Variants in SGCZ observed in about 807,000 individuals in gnomAD.
The protein encoded by SGCZ is zeta-sarcoglycan.
Under a neutral mutation model 41.3 loss-of-function variants are expected in SGCZ, and 40 were observed. That is an observed-to-expected ratio of 0.97 (90% CI 0.75 to 1.26). SGCZ has a LOEUF of 1.26. Among genes scored for constraint, SGCZ ranks in the 50% most tolerant of loss-of-function variants. SGCZ has a pLI of 0.00. For missense variants in SGCZ, 552 were observed against 369.8 expected, an observed-to-expected ratio of 1.49 and a Z score of -4.04; for synonymous variants, 206 against 137.5, an observed-to-expected ratio of 1.50 and a Z score of -3.49.
intron 1 of SGCZ, among the ~76,000 whole-genome samples, chr8:14,903,013 A>C (rs1345021030): frequency 6.6e-6 from 1 of 152,170 alleles, no homozygotes; most frequent in African/African-American, 2.4e-5. Flanking sequence ...CTCTTAAATT[A>C]ACAGTATATA....
intron 1 of SGCZ, among the ~76,000 whole-genome samples, chr8:14,936,169 T>A (rs764153861): frequency 1.3e-5 from 2 of 151,898 alleles, no homozygotes; most frequent in Non-Finnish European, 2.9e-5. Flanking sequence ...CGGAAAGGTA[T>A]CCAATAAGCC....
intron 1 of SGCZ, among the ~76,000 whole-genome samples, chr8:14,761,451 T>A (rs1201439866): frequency 6.6e-6 from 1 of 151,706 alleles, no homozygotes; most frequent in Non-Finnish European, 1.5e-5. Flanking sequence ...AAAACTCCTG[T>A]GTCTCATTTT....
At chr8:14,615,431 A>T (rs544916022) in intron 1 of SGCZ, among the ~76,000 whole-genome samples, 2 of 152,312 alleles carry the variant, frequency 1.3e-5, no homozygotes, top group South Asian at 4.1e-4. Context: ...GAGCTCTCTG[A>T]ACCCCTTCTG....
At chr8:14,294,697 G>C (rs756947447) in intron 3 of SGCZ, among the ~76,000 whole-genome samples, 1 of 151,950 alleles carries the variant, frequency 6.6e-6, no homozygotes, top group Non-Finnish European at 1.5e-5. Flanking sequence ...TGTAGAATAG[G>C]TAGGCAAATG....
chr8:14,437,883 T>C (rs1044316943), intron 2 of SGCZ, among the ~76,000 whole-genome samples: 1 of 151,944 alleles, frequency 6.6e-6, no homozygotes, highest in Non-Finnish European at 1.5e-5. Context: ...AAGTAATATC[T>C]CAAAAATCAC....
At chr8:15,186,828 T>C (rs1420165783) in intron 1 of SGCZ, among the ~76,000 whole-genome samples, 1 of 152,212 alleles carries the variant, frequency 6.6e-6, no homozygotes, top group Non-Finnish European at 1.5e-5. Flanking sequence ...AAGTATTAAC[T>C]GTGAACGCTT....
chr8:15,224,459 A>T (rs1585692181), intron 1 of SGCZ, among the ~76,000 whole-genome samples: 1 of 152,110 alleles, frequency 6.6e-6, no homozygotes, highest in East Asian at 1.9e-4. Context: ...AGAGAAAGAA[A>T]ACGACTTTAT....
At chr8:14,445,623 C>A (rs1485160654) in intron 2 of SGCZ, among the ~76,000 whole-genome samples, 6 of 152,170 alleles carry the variant, frequency 3.9e-5, no homozygotes, top group Admixed American at 6.5e-5. Flanking sequence ...CTTTGAGAAT[C>A]CCATGCCACC....
rs1451926883 is a variant in SGCZ, at chr8:14,086,752, A to G, written c.*3691T>C. Among the ~76,000 whole-genome samples the G allele has an allele frequency of 6.6e-6, 1 of 151,694 alleles. No homozygotes were observed. Among genetic ancestry groups the G allele is most frequent in the Non-Finnish European group, 1.5e-5 (1 of 67,736 alleles). On this transcript the variant is annotated 3_prime_UTR_variant, in exon 8 of 8. Coordinates refer to ENST00000382080, the MANE Select transcript of SGCZ (RefSeq NM_139167.4). ...GAGTGTAAAAGGGAGTATAAAAAAG[A>G]GCATAGGAAGTAGCGTGCCAAAAAG...
intron 5 of SGCZ, among the ~76,000 whole-genome samples, chr8:14,149,333 C>G (rs1258980057): frequency 6.6e-6 from 1 of 151,992 alleles, no homozygotes; most frequent in Non-Finnish European, 1.5e-5. Context: ...ATGGAATTTG[C>G]AGGACACAAA....
Position 14,108,170 on chromosome 8 carries a change from C to G in SGCZ, c.613G>C (p.Asp205His). The change falls in exon 6 of 8, where the codon GAT (aspartate) becomes CAT (histidine). Residue 205 changes from aspartate to histidine, a missense_variant. Transcript: ENST00000382080. ...ATAAGAGGAAGCCCTTACCTGAGATCTTGGGATGGCTCTGCTCTGATGTGC... is the reference window on the plus strand; with the variant it reads ...ATAAGAGGAAGCCCTTACCTGAGATGTTGGGATGGCTCTGCTCTGATGTGC... The part of the protein sequence containing the change: ...TPHIRAEPSQ[D>H]LRLESPTRSL... 1 of 1,614,068 alleles carries G rather than the reference C, an allele frequency of 6.2e-7. No homozygotes were observed. The highest frequency in any genetic ancestry group is 1.7e-5 in the Admixed American group (1 of 60,014).
At chr8:15,066,194 G>C (rs1359538941) in intron 1 of SGCZ, among the ~76,000 whole-genome samples, 1 of 151,756 alleles carries the variant, frequency 6.6e-6, no homozygotes, top group Non-Finnish European at 1.5e-5. Context: ...TGTAGTCCCA[G>C]CTACTGGGGA....
intron 1 of SGCZ, among the ~76,000 whole-genome samples, chr8:14,762,317 A>C (rs1272860988): frequency 2.6e-5 from 4 of 152,208 alleles, no homozygotes; most frequent in African/African-American, 9.7e-5. Flanking sequence ...GTCCATTACA[A>C]AATGAGACAG....
chr8:14,337,953 T>A (rs965865933), intron 2 of SGCZ, among the ~76,000 whole-genome samples: 3 of 152,134 alleles, frequency 2.0e-5, no homozygotes, highest in African/African-American at 4.8e-5. Context: ...GTGTAACACA[T>A]AGAAGGTTAT....
intron 1 of SGCZ, among the ~76,000 whole-genome samples, chr8:14,636,762 C>T (rs1463752479): frequency 6.6e-6 from 1 of 151,744 alleles, no homozygotes; most frequent in East Asian, 1.9e-4. Flanking sequence ...AATGAGATTG[C>T]ATGAATGAAT....
intron 1 of SGCZ, among the ~76,000 whole-genome samples, chr8:14,634,531 T>G: frequency 6.6e-6 from 1 of 151,842 alleles, no homozygotes; most frequent in Admixed American, 6.6e-5. Flanking sequence ...ATGATATTAG[T>G]GGAAGCCTTT....
chr8:14,716,562 C>A (rs1439683538), intron 1 of SGCZ, among the ~76,000 whole-genome samples: 1 of 151,962 alleles, frequency 6.6e-6, no homozygotes, highest in Admixed American at 6.6e-5. Flanking sequence ...AAAACTAAAA[C>A]ATTAATTTCT....
At chr8:14,110,646 C>A (rs947384457) in intron 5 of SGCZ, among the ~76,000 whole-genome samples, 1 of 152,084 alleles carries the variant, frequency 6.6e-6, no homozygotes, top group African/African-American at 2.4e-5. Context: ...CTGTTTTTGT[C>A]CTGAATGAGC....
At chr8:15,159,081 G>T (rs142446706) in intron 1 of SGCZ, among the ~76,000 whole-genome samples, 7 of 152,288 alleles carry the variant, frequency 4.6e-5, no homozygotes, top group African/African-American at 1.7e-4. Context: ...TGAAAGACCA[G>T]CCTTCTGAGA....
Sources: gnomAD v4.1 joint callset for allele counts (sites outside exome capture counted in the v4.1 genomes callset) on GRCh38, gnomAD v4.1.1 for gene constraint, MANE v1.5 for transcripts, NCBI Gene and HGNC (gene_info 2026-07-23, HGNC 2026-07-21) for gene names.